Variants in AAGAB observed in about 807,000 individuals in gnomAD.
The protein encoded by AAGAB is alpha- and gamma-adaptin-binding protein p34.
Under a neutral mutation model 44.1 loss-of-function variants are expected in AAGAB, and 38 were observed. That is an observed-to-expected ratio of 0.86 (90% CI 0.67 to 1.13). The LOEUF is 1.13. AAGAB is among the 50% of genes most tolerant of loss of function. The probability of loss-of-function intolerance (pLI) is 0.00; values close to 1 mark genes in which losing one functional copy is unlikely to be tolerated. For synonymous variants in AAGAB, 131 were observed against 131.8 expected, an observed-to-expected ratio of 0.99 and a Z score of 0.04; for missense variants, 450 against 373.8, an observed-to-expected ratio of 1.20 and a Z score of -1.68.
intron 1 of AAGAB, among the ~76,000 whole-genome samples, chr15:67,252,291 T>C (rs1044433797): frequency 1.2e-4 from 18 of 152,352 alleles, no homozygotes; most frequent in Admixed American, 1.2e-3. Flanking sequence ...TGAAAAGACT[T>C]CCATGTATCG....
intron 5 of AAGAB, among the ~76,000 whole-genome samples, chr15:67,212,371 T>C (rs1963845039): frequency 6.6e-6 from 1 of 152,092 alleles, no homozygotes; most frequent in Non-Finnish European, 1.5e-5. Context: ...AATTAAAACT[T>C]TGAAAAAAAA....
At chr15:67,206,465 T>C (rs769096057) in intron 7 of AAGAB, among the ~76,000 whole-genome samples, 1 of 152,260 alleles carries the variant, frequency 6.6e-6, no homozygotes, top group Non-Finnish European at 1.5e-5. Flanking sequence ...CTTTCACCTA[T>C]GCTACCAAGA....
intron 7 of AAGAB, among the ~76,000 whole-genome samples, chr15:67,208,149 A>G (rs1963727245): frequency 6.6e-6 from 1 of 152,236 alleles, no homozygotes; most frequent in South Asian, 2.1e-4. Context: ...CTTCATTACC[A>G]AATGAGAAAG....
intron 5 of AAGAB, among the ~76,000 whole-genome samples, chr15:67,211,106 CTG>C (rs573875789): frequency 6.6e-6 from 1 of 152,302 alleles, no homozygotes; most frequent in East Asian, 1.9e-4. Flanking sequence ...GCCTTTTAAA[CTG>C]GGATGAAGCC....
At chr15:67,226,635 TC>T (rs1463882232) in intron 5 of AAGAB, 1 of 152,332 alleles carries the variant, frequency 6.6e-6, no homozygotes, top group Non-Finnish European at 1.5e-5. Flanking sequence ...TCCTTCACTT[TC>T]CTGACAGTGT....
chr15:67,214,858 T>G (rs370583618), intron 5 of AAGAB, among the ~76,000 whole-genome samples: 1 of 151,980 alleles, frequency 6.6e-6, no homozygotes, highest in South Asian at 2.1e-4. Flanking sequence ...GCCAGGATGG[T>G]CTCAATCTCC....
intron 1 of AAGAB, among the ~76,000 whole-genome samples, chr15:67,244,974 G>A (rs191483919): frequency 1.3e-5 from 2 of 152,134 alleles, no homozygotes; most frequent in Non-Finnish European, 2.9e-5. Flanking sequence ...ACATCCACTA[G>A]AATGGCTATA....
At chr15:67,224,544 C>T (rs1964157010) in intron 5 of AAGAB, among the ~76,000 whole-genome samples, 1 of 151,426 alleles carries the variant, frequency 6.6e-6, no homozygotes, top group Non-Finnish European at 1.5e-5. Flanking sequence ...TCCTTCCTGT[C>T]TTCTTTCTCT....
intron 5 of AAGAB, among the ~76,000 whole-genome samples, chr15:67,218,924 G>A (rs1964009321): frequency 6.6e-6 from 1 of 152,122 alleles, no homozygotes; most frequent in Non-Finnish European, 1.5e-5. Context: ...GTATAGACAA[G>A]GAAAATTTCT....
chr15:67,253,263 G>C (rs1324658873), intron 1 of AAGAB, among the ~76,000 whole-genome samples: 1 of 25,920 alleles, frequency 3.9e-5, no homozygotes, highest in Non-Finnish European at 6.4e-5. Flanking sequence ...CGTATGACGG[G>C]GGGGGGGGGG....
intron 1 of AAGAB, among the ~76,000 whole-genome samples, chr15:67,241,506 C>T (rs993001024): frequency 1.3e-5 from 2 of 152,194 alleles, no homozygotes; most frequent in African/African-American, 2.4e-5. Context: ...CAACATTCTT[C>T]TTTCTTCCCT....
rs1595974422 is a variant in AAGAB, at chr15:67,201,237, A to C, written c.*1584T>G. On this transcript the variant is annotated 3_prime_UTR_variant, in exon 10 of 10. Coordinates refer to ENST00000261880, the MANE Select transcript of AAGAB (RefSeq NM_024666.5). ...CCTAATGCAATCACCTCAAAGAAAC[A>C]CTGATGGGCTGGTGGTGAACCACAG... 6.8e-6 allele frequency: 1 copy of C among 147,508 alleles called. No individual in the cohort carries two copies. Among genetic ancestry groups the C allele is most frequent in the African/African-American group, 2.5e-5 (1 of 40,150 alleles). The allele number at this position is 147,508 out of a possible 1,614,324, so 9.1% of individuals were successfully genotyped here. A position where few individuals can be genotyped will look rare whatever the true frequency, so the allele number is the denominator to read the frequency against.
chr15:67,227,149 T>C (rs8182047), intron 5 of AAGAB, among the ~76,000 whole-genome samples: 67,519 of 152,052 alleles, frequency 0.44, 15,524 homozygotes, highest in Non-Finnish European at 0.52. Context: ...AAATGTTCTA[T>C]TACTGCTCAA....
rs184219085 is a variant in AAGAB at position 67,245,674 on chromosome 15, T to C, written c.74-8854A>G. The stretch of plus-strand genomic sequence containing the variant: ...AACTGGGAGATACTGACCCCATTAC[T>C]AATAAGGTAGGTGAGTGAGACACAT... On this transcript the variant is annotated intron_variant, in intron 1 of 9. Coordinates refer to ENST00000261880, the MANE Select transcript of AAGAB (RefSeq NM_024666.5). Among the ~76,000 whole-genome samples the C allele has an allele frequency of 3.9e-5, 6 of 152,342 alleles. No individual in the cohort carries two copies. In the East Asian group the frequency reaches 1.2e-3, roughly 29 times the overall value.
intron 1 of AAGAB, among the ~76,000 whole-genome samples, chr15:67,251,242 G>GTGTGTGTGTGTC: frequency 6.6e-6 from 1 of 151,774 alleles, no homozygotes; most frequent in Middle Eastern, 3.4e-3. Context: ...GTGTCTGTGT[G>GTGTGTGTGTGTC]TGTGTGTGTG....
At chr15:67,222,242 GCACACACACACACACACACACACA>G (rs370826027) in intron 5 of AAGAB, among the ~76,000 whole-genome samples, 1 of 90,044 alleles carries the variant, frequency 1.1e-5, no homozygotes, top group African/African-American at 3.8e-5. Flanking sequence ...GCGCGCGCGC[GCACACACACACACACACACACACA>G]CACACACACA....
At chr15:67,255,114 C>T (rs1439751155), upstream of AAGAB, 9 of 670,042 alleles carry the variant, frequency 1.3e-5, no homozygotes, top group East Asian at 2.2e-4. Flanking sequence ...CCCCCACGGC[C>T]CAGCACACTC....
intron 5 of AAGAB, among the ~76,000 whole-genome samples, chr15:67,229,657 A>C (rs1028020052): frequency 2.0e-5 from 3 of 152,094 alleles, no homozygotes; most frequent in African/African-American, 7.2e-5. Flanking sequence ...TGCCAGAAGG[A>C]GCTTCTCTAA....
In AAGAB at chr15:67,236,357, C is replaced by T. The variant is rs749184555; in HGVS notation, c.361+51G>A. ...AAAGAAACAGATGTACTCTGTTTAT[C>T]AAGGAATGGCAAATGCATGTACCAA... On this transcript the variant is annotated intron_variant, in intron 3 of 9. Transcript: ENST00000261880. 7.3e-6 allele frequency: 11 copies of T among 1,516,862 alleles called. No individual in the cohort carries two copies. The South Asian group carries it at 1.3e-4, about 17-fold the overall frequency. The allele number at this position is 1,516,862 out of a possible 1,614,324, so 94.0% of individuals were successfully genotyped here.
Sources: allele counts gnomAD v4.1 joint callset (sites outside exome capture counted in the v4.1 genomes callset), GRCh38; gene constraint gnomAD v4.1.1; transcripts MANE v1.5; gene names NCBI Gene and HGNC (gene_info 2026-07-23, HGNC 2026-07-21).